The following RBFOX1 variants were observed in gnomAD, a reference collection of about 807,000 sequenced individuals.
The protein encoded by RBFOX1 is RNA binding protein fox-1 homolog 1.
Under a neutral mutation model 57.7 loss-of-function variants are expected in RBFOX1, and 8 were observed. That is an observed-to-expected ratio of 0.14 (90% CI 0.08 to 0.25). RBFOX1 has a LOEUF of 0.25. RBFOX1 is among the 10% of genes least tolerant of loss of function. The pLI, the probability that RBFOX1 is intolerant of heterozygous loss-of-function variation, is 1.00. For synonymous variants in RBFOX1, 326 were observed against 222.4 expected, an observed-to-expected ratio of 1.47 and a Z score of -4.15; for missense variants, 611 against 548.5, an observed-to-expected ratio of 1.11 and a Z score of -1.14.
chr16:7,502,824 A>G (rs2071423146), intron 4 of RBFOX1, among the ~76,000 whole-genome samples: 1 of 152,120 alleles, frequency 6.6e-6, no homozygotes, highest in Admixed American at 6.5e-5. Flanking sequence ...AGGGTTTGAG[A>G]CCAGCCTGGC....
chr16:7,341,776 C>CTTCCTTCCTTCCT (rs1568306565), intron 4 of RBFOX1, among the ~76,000 whole-genome samples: 21 of 95,200 alleles, frequency 2.2e-4, no homozygotes, highest in African/African-American at 8.0e-4. Flanking sequence ...CCCTCCCTCC[C>CTTCCTTCCTTCCT]TCCTTCCTTC....
At chr16:5,745,642 G>C (rs1029044576) in intron 3 of RBFOX1, among the ~76,000 whole-genome samples, 3 of 152,192 alleles carry the variant, frequency 2.0e-5, no homozygotes, top group Non-Finnish European at 2.9e-5. Context: ...ATTGTAACTG[G>C]TGTGAGATGG....
At chr16:6,881,204 G>T (rs1011909544) in intron 3 of RBFOX1, among the ~76,000 whole-genome samples, 4 of 152,184 alleles carry the variant, frequency 2.6e-5, no homozygotes, top group African/African-American at 9.6e-5. Flanking sequence ...CACAGGCAAG[G>T]AGAATAGCCA....
chr16:6,131,511 A>T (rs1312704806), intron 1 of RBFOX1, among the ~76,000 whole-genome samples: 1 of 152,178 alleles, frequency 6.6e-6, no homozygotes, highest in Non-Finnish European at 1.5e-5. Flanking sequence ...ACCCTCTAAG[A>T]TTCTGATCCA....
At chr16:7,513,126 C>G (rs566575988) in intron 4 of RBFOX1, among the ~76,000 whole-genome samples, 2 of 152,062 alleles carry the variant, frequency 1.3e-5, no homozygotes, top group East Asian at 3.9e-4. Context: ...AGCCAGTCAT[C>G]ATGGCGGGTG....
intron 4 of RBFOX1, chr16:7,332,921 A>T: frequency 6.3e-7 from 1 of 1,599,726 alleles, no homozygotes; most frequent in Non-Finnish European, 8.5e-7. Context: ...TGTAGTTCGG[A>T]AGAAGTTGGG....
At chr16:7,114,718 C>T (rs1177913609) in intron 4 of RBFOX1, among the ~76,000 whole-genome samples, 1 of 152,200 alleles carries the variant, frequency 6.6e-6, no homozygotes, top group Non-Finnish European at 1.5e-5. Flanking sequence ...CCTTTCTACG[C>T]TCATGAAGAG....
At chr16:6,405,563 G>A (rs1005135735) in intron 2 of RBFOX1, among the ~76,000 whole-genome samples, 1 of 152,106 alleles carries the variant, frequency 6.6e-6, no homozygotes, top group Admixed American at 6.6e-5. Context: ...GAAACTCCTT[G>A]GTCAGAACTA....
chr16:6,843,987 T>C (rs2093628763), intron 3 of RBFOX1, among the ~76,000 whole-genome samples: 1 of 152,138 alleles, frequency 6.6e-6, no homozygotes, highest in Admixed American at 6.5e-5. Context: ...AATTCACTAT[T>C]AACAAAGGAT....
intron 3 of RBFOX1, among the ~76,000 whole-genome samples, chr16:6,803,820 C>G (rs559482115): frequency 1.3e-5 from 2 of 152,250 alleles, no homozygotes; most frequent in South Asian, 4.1e-4. Context: ...GATTCACAGG[C>G]TACATTTCTA....
At chr16:7,527,301 C>G (rs1334118337) in intron 5 of RBFOX1, among the ~76,000 whole-genome samples, 3 of 152,066 alleles carry the variant, frequency 2.0e-5, no homozygotes, top group East Asian at 3.9e-4. Context: ...AAACTAAAGA[C>G]CTTTATTACC....
At chr16:6,753,516 C>G (rs377176444) in intron 3 of RBFOX1, among the ~76,000 whole-genome samples, 1 of 152,156 alleles carries the variant, frequency 6.6e-6, no homozygotes, top group Admixed American at 6.5e-5. Flanking sequence ...TATACCATGT[C>G]TCTCTGCCTG....
intron 1 of RBFOX1, among the ~76,000 whole-genome samples, chr16:5,335,181 C>G (rs1374629968): frequency 1.4e-5 from 2 of 140,576 alleles, no homozygotes; most frequent in African/African-American, 5.1e-5. Flanking sequence ...CAGTTCACCT[C>G]TCTGCAATTT....
At chr16:5,749,859 C>G (rs1041550592) in intron 3 of RBFOX1, among the ~76,000 whole-genome samples, 6 of 152,212 alleles carry the variant, frequency 3.9e-5, no homozygotes, top group African/African-American at 1.4e-4. Context: ...GCCTTCTTCT[C>G]TCAACTCGTC....
intron 3 of RBFOX1, among the ~76,000 whole-genome samples, chr16:5,700,035 T>C (rs556800241): frequency 8.1e-4 from 124 of 152,234 alleles, no homozygotes; most frequent in Middle Eastern, 3.4e-3. Context: ...GGTTTTACCG[T>C]GTTAGCCAGG....
At chr16:5,795,688 A>G (rs373726515) in intron 3 of RBFOX1, among the ~76,000 whole-genome samples, 1 of 152,306 alleles carries the variant, frequency 6.6e-6, no homozygotes, top group African/African-American at 2.4e-5. Context: ...CATTTCTTCA[A>G]GAAGCCTTCT....
chr16:7,534,734 G>T (rs2081069399), intron 5 of RBFOX1, among the ~76,000 whole-genome samples: 1 of 152,166 alleles, frequency 6.6e-6, no homozygotes, highest in African/African-American at 2.4e-5. Context: ...TAGGATAGGA[G>T]ACTATCCACT....
intron 1 of RBFOX1, among the ~76,000 whole-genome samples, chr16:6,315,723 C>G (rs1432458759): frequency 6.6e-6 from 1 of 152,168 alleles, no homozygotes. Flanking sequence ...AGGGTGAATA[C>G]TATCACCACC....
intron 2 of RBFOX1, among the ~76,000 whole-genome samples, chr16:6,554,382 G>A (rs2097054643): frequency 6.6e-6 from 1 of 152,172 alleles, no homozygotes; most frequent in African/African-American, 2.4e-5. Context: ...ATTGCCTAGG[G>A]ATGGAGCGTG....
Sources: allele counts gnomAD v4.1 joint callset (sites outside exome capture counted in the v4.1 genomes callset), GRCh38; gene constraint gnomAD v4.1.1; transcripts MANE v1.5; gene names NCBI Gene and HGNC (gene_info 2026-07-23, HGNC 2026-07-21).